Variants in PLEKHG4B observed in about 807,000 individuals in gnomAD.
PLEKHG4B encodes the protein pleckstrin homology domain-containing family G member 4B.
PLEKHG4B carries 111 observed loss-of-function variants against 121.3 expected under a neutral mutation model. The observed-to-expected ratio is 0.92, with a 90% CI of 0.78 to 1.07. The LOEUF is 1.07. Among genes scored for constraint, PLEKHG4B ranks in the 50% least tolerant of loss-of-function variants. PLEKHG4B has a pLI of 0.00. For missense variants in PLEKHG4B, 1,831 were observed against 1,757.8 expected, an observed-to-expected ratio of 1.04 and a Z score of -0.74; for synonymous variants, 738 against 725.0, an observed-to-expected ratio of 1.02 and a Z score of -0.29.
At chr5:95,366 G>A (rs902364160) in intron 1 of PLEKHG4B, among the ~76,000 whole-genome samples, 7 of 152,034 alleles carry the variant, frequency 4.6e-5, no homozygotes, top group Admixed American at 1.3e-4. Flanking sequence ...ACTCTGGTAC[G>A]CCTCACCTAG....
chr5:180,798 C>A (rs994447118), intron 18 of PLEKHG4B, among the ~76,000 whole-genome samples: 2 of 152,214 alleles, frequency 1.3e-5, no homozygotes, highest in Non-Finnish European at 2.9e-5. Context: ...GGCAGCCACA[C>A]TCAGCCCTTT....
intron 1 of PLEKHG4B, among the ~76,000 whole-genome samples, chr5:111,741 A>G (rs1246045113): frequency 1.3e-5 from 2 of 152,178 alleles, no homozygotes; most frequent in African/African-American, 4.8e-5. Context: ...CTCGTGCAGA[A>G]CAGGCCATTC....
chr5:168,312 G>A (rs1736418964), intron 13 of PLEKHG4B, among the ~76,000 whole-genome samples: 1 of 152,174 alleles, frequency 6.6e-6, no homozygotes, highest in Non-Finnish European at 1.5e-5. Flanking sequence ...GCCATCCCTG[G>A]GGCCTAGCCT....
chr5:153,592 C>G (rs1264048428), intron 7 of PLEKHG4B, among the ~76,000 whole-genome samples: 1 of 152,232 alleles, frequency 6.6e-6, no homozygotes, highest in Non-Finnish European at 1.5e-5. Flanking sequence ...AATCCACTTT[C>G]ACTTTCCAGT....
intron 2 of PLEKHG4B, among the ~76,000 whole-genome samples, chr5:119,463 A>G (rs1734405520): frequency 6.6e-6 from 1 of 152,232 alleles, no homozygotes; most frequent in South Asian, 2.1e-4. Flanking sequence ...AAGGATGACA[A>G]AACCACCAAG....
rs561778040 is a variant in PLEKHG4B, at chr5:161,819, A to G, written c.2524A>G (p.Asn842Asp). The G allele has an allele frequency of 1.5e-5, 24 of 1,613,838 alleles. No homozygotes were observed. The South Asian group carries it at 2.4e-4, about 16-fold the overall frequency. Residue 842 changes from asparagine to aspartate, a missense_variant, in exon 12 of 20, where the codon AAC (asparagine) becomes GAC (aspartate). Coordinates refer to ENST00000637938, the MANE Select transcript of PLEKHG4B (RefSeq NM_052909.5). ...GAAAGGACTACAGCTGGCGAAGGAGAACCCGCAACGTACAGAGGAAATGGT... is the reference window on the plus strand; with the variant it reads ...GAAAGGACTACAGCTGGCGAAGGAGGACCCGCAACGTACAGAGGAAATGGT... Reference protein sequence around the residue: ...CQKGLQLAKENPQRTEEMVQD... With the variant: ...CQKGLQLAKEDPQRTEEMVQD...
At chr5:120,865 A>G (rs1401411788) in intron 2 of PLEKHG4B, among the ~76,000 whole-genome samples, 1 of 152,220 alleles carries the variant, frequency 6.6e-6, no homozygotes, top group African/African-American at 2.4e-5. Context: ...CTTAAAAACT[A>G]TAATAAATAT....
intron 17 of PLEKHG4B, 72 bp downstream of exon 17, chr5:173,139 A>G: frequency 6.8e-7 from 1 of 1,475,810 alleles, no homozygotes; most frequent in Non-Finnish European, 9.4e-7. Flanking sequence ...CCCTTGTCTC[A>G]CCTAAGGCCA....
intron 13 of PLEKHG4B, among the ~76,000 whole-genome samples, chr5:164,993 C>G (rs372256311): frequency 2.3e-4 from 12 of 51,314 alleles, no homozygotes; most frequent in South Asian, 7.9e-4. Context: ...CACTAATGCT[C>G]TGACGGGGCA....
chr5:154,260 TC>T (rs941160241), intron 7 of PLEKHG4B, among the ~76,000 whole-genome samples: 2 of 152,210 alleles, frequency 1.3e-5, no homozygotes, highest in Admixed American at 6.5e-5. Context: ...TGCCTCGGCC[TC>T]CCAAAGTGCT....
intron 18 of PLEKHG4B, among the ~76,000 whole-genome samples, chr5:175,666 G>T (rs1736739767): frequency 3.0e-5 from 1 of 33,620 alleles, no homozygotes; most frequent in Non-Finnish European, 6.0e-5. Flanking sequence ...CCCCGCCTGA[G>T]CCCTGACCCC....
In PLEKHG4B at chr5:156,157, G is replaced by A. The variant is rs771078901; in HGVS notation, c.2295G>A (p.Gly765=). 3 of 1,593,128 alleles carry A rather than the reference G, an allele frequency of 1.9e-6. No homozygotes were observed. Among genetic ancestry groups the A allele is most frequent in the South Asian group, 1.1e-5 (1 of 88,266 alleles). Residue 765 remains glycine, a synonymous_variant, in exon 10 of 20, where the codon GGG becomes GGA. Transcript: ENST00000637938. The surrounding 1 kb of genome is among the most constrained non-coding windows in gnomAD (Gnocchi z 4.4). Reference sequence around the variant, plus strand: ...TGCTTGTGTCTCTCAGGCTGGAGGGGGGCACCGTCCTGGCGCGGCTGAGGA... The same window carrying A: ...TGCTTGTGTCTCTCAGGCTGGAGGGAGGCACCGTCCTGGCGCGGCTGAGGA... ...DPLLVSLRLE[G]GTVLARLRRE... is the part of the protein sequence containing the mutation.
chr5:98,646 T>TGTGTGTGTGTG (rs1733700988), intron 1 of PLEKHG4B, among the ~76,000 whole-genome samples: 1 of 138,532 alleles, frequency 7.2e-6, no homozygotes, highest in African/African-American at 2.7e-5. Flanking sequence ...TGTGTGTGTG[T>TGTGTGTGTGTG]TAGTTTTAGT....
chr5:146,301 T>A (rs1735412064), intron 6 of PLEKHG4B, among the ~76,000 whole-genome samples: 1 of 65,560 alleles, frequency 1.5e-5, no homozygotes, highest in East Asian at 5.5e-4. Context: ...CCTGTGACCC[T>A]CCCTCCTCCC....
chr5:140,302 T>C lies in PLEKHG4B; in HGVS notation c.1063T>C (p.Ser355Pro). The change falls in exon 3 of 20, where the codon TCG becomes CCG. Residue 355 changes from serine to proline, a missense_variant. Physicochemically the swap from Ser to Pro is moderately conservative, Grantham distance 74. Transcript: ENST00000637938. The stretch of plus-strand genomic sequence containing the variant: ...GCAGCCTAGACGCTGGTTCAGGGAG[T>C]CGTACATGGAAGCCTTGCGGAACCC... Reference protein sequence around the residue: ...CVQPRRWFRESYMEALRNPMP... With the variant: ...CVQPRRWFREPYMEALRNPMP... 2 of 1,488,854 alleles carry C rather than the reference T, an allele frequency of 1.3e-6. No individual in the cohort carries two copies. The highest frequency in any genetic ancestry group is 1.8e-6 in the Non-Finnish European group (2 of 1,121,248). 92.2% of individuals were successfully genotyped at this position (1,488,854 alleles called of 1,614,324 possible). A position where few individuals can be genotyped will look rare whatever the true frequency, so the allele number is the denominator to read the frequency against.
At chr5:93,947 G>A (rs1392073168) in intron 1 of PLEKHG4B, among the ~76,000 whole-genome samples, 1 of 152,172 alleles carries the variant, frequency 6.6e-6, no homozygotes, top group Non-Finnish European at 1.5e-5. Flanking sequence ...GTCTAGCTCA[G>A]ACACCACTGC....
At chr5:108,720 G>A (rs1003357344) in intron 1 of PLEKHG4B, among the ~76,000 whole-genome samples, 12 of 134,000 alleles carry the variant, frequency 9.0e-5, no homozygotes, top group Admixed American at 1.4e-4. Context: ...AGACAGACTG[G>A]GTGCAGATGG....
chr5:182,176 A>T lies in PLEKHG4B; in HGVS notation c.4737A>T (p.Leu1579=). Residue 1579 remains leucine (L), a synonymous_variant, in exon 20 of 20, where the codon CTA becomes CTT. Coordinates refer to ENST00000637938, the MANE Select transcript of PLEKHG4B (RefSeq NM_052909.5). ...LVSSSPAHPG[L]WSPAHSPWSS... ...CCTCCAGCCCAGCCCACCCGGGCCT[A>T]TGGAGCCCTGCCCACAGCCCCTGGT... is the stretch of plus-strand genomic sequence containing the variant. 6.2e-7 allele frequency: 1 copy of T among 1,613,864 alleles called. No homozygotes were observed. The highest frequency in any genetic ancestry group is 8.5e-7 in the Non-Finnish European group (1 of 1,180,014).
intron 13 of PLEKHG4B, among the ~76,000 whole-genome samples, chr5:164,657 G>GGGGCTCACAGTAATGCTGTGACGGAGCA (rs1736204614): frequency 8.4e-6 from 1 of 119,390 alleles, no homozygotes; most frequent in African/African-American, 3.0e-5. Context: ...TCTGACGGGC[G>GGGGCTCACAGTAATGCTGTGACGGAGCA]GAGCTCACAC....
Sources: gnomAD v4.1 joint callset for allele counts (sites outside exome capture counted in the v4.1 genomes callset) on GRCh38, gnomAD v4.1.1 for gene constraint, Gnocchi (gnomAD v3.1) non-coding constraint, MANE v1.5 for transcripts, NCBI Gene and HGNC (gene_info 2026-07-23, HGNC 2026-07-21) for gene names.